Variants in NKAIN2 observed in about 807,000 individuals in gnomAD.
The protein encoded by NKAIN2 is sodium/potassium transporting ATPase interacting 2, also known as sodium/potassium-transporting ATPase subunit beta-1-interacting protein 2.
A neutral mutation model predicts 32.6 loss-of-function variants in NKAIN2; 14 were observed. That is an observed-to-expected ratio of 0.43 (90% CI 0.28 to 0.67). The LOEUF is 0.67. NKAIN2 is among the 30% of genes least tolerant of loss of function. NKAIN2 has a pLI of 0.17. For synonymous variants in NKAIN2, 80 were observed against 87.2 expected, an observed-to-expected ratio of 0.92 and a Z score of 0.46; for missense variants, 198 against 258.3, an observed-to-expected ratio of 0.77 and a Z score of 1.60.
intron 3 of NKAIN2, among the ~76,000 whole-genome samples, chr6:124,504,631 A>T (rs1333377242): frequency 1.3e-5 from 2 of 152,204 alleles, no homozygotes; most frequent in Non-Finnish European, 2.9e-5. Flanking sequence ...ACAATGCCTC[A>T]TCGGATTAGA....
intron 3 of NKAIN2, among the ~76,000 whole-genome samples, chr6:124,630,620 A>T (rs1783526774): frequency 6.6e-6 from 1 of 152,000 alleles, no homozygotes; most frequent in Non-Finnish European, 1.5e-5. Context: ...TATTTAGACT[A>T]AAAAAAAGTG....
intron 3 of NKAIN2, among the ~76,000 whole-genome samples, chr6:124,599,344 T>TC (rs1782220823): frequency 6.6e-6 from 1 of 152,126 alleles, no homozygotes; most frequent in East Asian, 1.9e-4. Context: ...GATCCTCTGT[T>TC]TAAAAAAAAA....
chr6:124,101,633 CTA>C (rs1288448531), intron 1 of NKAIN2, among the ~76,000 whole-genome samples: 3 of 151,870 alleles, frequency 2.0e-5, no homozygotes, highest in African/African-American at 7.3e-5. Context: ...AAGAACCAAC[CTA>C]TGTTTCAGTT....
intron 4 of NKAIN2, among the ~76,000 whole-genome samples, chr6:124,779,318 GGGAAGGAAGGAAGGAAGGAA>G (rs869195660): frequency 0.029 from 1,519 of 52,986 alleles, 36 homozygotes; most frequent in Non-Finnish European, 0.039. Flanking sequence ...GAGGGAGGGA[GGGAAGGAAGGAAGGAAGGAA>G]GGAAGGAAGG....
At chr6:124,267,815 TTACTA>T (rs1794572643) in intron 1 of NKAIN2, among the ~76,000 whole-genome samples, 1 of 152,180 alleles carries the variant, frequency 6.6e-6, no homozygotes, top group Non-Finnish European at 1.5e-5. Flanking sequence ...GGTTGGAGCT[TTACTA>T]TATTTGGCAT....
chr6:124,558,957 C>CAA (rs1298210171), intron 3 of NKAIN2, among the ~76,000 whole-genome samples: 2 of 151,790 alleles, frequency 1.3e-5, no homozygotes, highest in Non-Finnish European at 2.9e-5. Flanking sequence ...CTCAAACAAA[C>CAA]AAACAAACAA....
intron 3 of NKAIN2, among the ~76,000 whole-genome samples, chr6:124,545,204 T>C (rs563451942): frequency 6.6e-4 from 101 of 152,332 alleles, no homozygotes; most frequent in Admixed American, 1.4e-3. Flanking sequence ...GAAAATAGCT[T>C]AATTTTAAGT....
At chr6:124,030,097 G>A (rs1279744636) in intron 1 of NKAIN2, among the ~76,000 whole-genome samples, 1 of 152,012 alleles carries the variant, frequency 6.6e-6, no homozygotes, top group Non-Finnish European at 1.5e-5. Context: ...ACAATCTAAT[G>A]CCTAATGACC....
In NKAIN2 at chr6:124,473,719, T is replaced by G. The variant is rs545039322; in HGVS notation, c.273+118372T>G. 3.9e-5 allele frequency among the ~76,000 whole-genome samples: 6 copies of G among 152,300 alleles called. No individual in the cohort carries two copies. The South Asian group carries it at 1.2e-3, about 32-fold the overall frequency. ...TGGCTCTTCATAAAAAGAGACTCTCTGTAGACTTCGAATCTAAGGCTTTAT... is the reference window on the plus strand; with the variant it reads ...TGGCTCTTCATAAAAAGAGACTCTCGGTAGACTTCGAATCTAAGGCTTTAT... On this transcript the variant is annotated intron_variant, in intron 3 of 6. Coordinates refer to ENST00000368417, the MANE Select transcript of NKAIN2 (RefSeq NM_001040214.3).
intron 2 of NKAIN2, among the ~76,000 whole-genome samples, chr6:124,323,476 A>G (rs1177544683): frequency 6.6e-6 from 1 of 152,210 alleles, no homozygotes; most frequent in African/African-American, 2.4e-5. Context: ...TGCATAAGAT[A>G]TACAGTTTAG....
intron 3 of NKAIN2, among the ~76,000 whole-genome samples, chr6:124,599,846 A>G (rs969054604): frequency 1.3e-5 from 2 of 152,104 alleles, no homozygotes; most frequent in Non-Finnish European, 2.9e-5. Flanking sequence ...TCCCTGGGGT[A>G]TGATGAAATG....
chr6:123,906,309 G>A (rs371968103), intron 1 of NKAIN2, among the ~76,000 whole-genome samples: 4 of 151,194 alleles, frequency 2.6e-5, no homozygotes, highest in Admixed American at 6.6e-5. Context: ...TTTCAGTCAG[G>A]GTCTTACTCT....
intron 1 of NKAIN2, among the ~76,000 whole-genome samples, chr6:123,836,163 A>T (rs576120323): frequency 4.6e-5 from 7 of 152,082 alleles, no homozygotes; most frequent in Non-Finnish European, 1.0e-4. Context: ...TAAAAATATT[A>T]CTATCTTTAG....
intron 1 of NKAIN2, among the ~76,000 whole-genome samples, chr6:124,017,096 A>C (rs986406954): frequency 2.0e-5 from 3 of 152,214 alleles, no homozygotes; most frequent in African/African-American, 7.2e-5. Flanking sequence ...GAGGCCTCAC[A>C]ATCATGGCGG....
chr6:124,430,106 C>T (rs879526645), intron 3 of NKAIN2, among the ~76,000 whole-genome samples: 23 of 151,934 alleles, frequency 1.5e-4, no homozygotes, highest in Non-Finnish European at 2.5e-4. Context: ...TGTAAATTGC[C>T]AAGTGCAATT....
chr6:124,355,184 G>T (rs1272142325), intron 2 of NKAIN2, 83 bp from the exon 3 acceptor site: 3 of 793,630 alleles, frequency 3.8e-6, no homozygotes, highest in African/African-American at 1.7e-5. Flanking sequence ...TTATATTAGG[G>T]TGTGCGAAAG....
intron 3 of NKAIN2, among the ~76,000 whole-genome samples, chr6:124,491,474 T>C (rs1777860287): frequency 1.3e-5 from 2 of 151,878 alleles, no homozygotes; most frequent in African/African-American, 4.8e-5. Context: ...TTGAGGTAGC[T>C]ATGAGAAAGG....
chr6:124,224,688 G>T (rs760616000), intron 1 of NKAIN2, among the ~76,000 whole-genome samples: 9 of 152,020 alleles, frequency 5.9e-5, no homozygotes, highest in Non-Finnish European at 1.0e-4. Flanking sequence ...TCATAAAAAG[G>T]TTTTAAGAAA....
At chr6:124,643,651 AT>A (rs1411717359) in intron 3 of NKAIN2, among the ~76,000 whole-genome samples, 4 of 152,322 alleles carry the variant, frequency 2.6e-5, no homozygotes, top group African/African-American at 9.6e-5. Flanking sequence ...TGGTATAGGA[AT>A]TATTAATATT....
Sources: allele counts gnomAD v4.1 joint callset (sites outside exome capture counted in the v4.1 genomes callset), GRCh38; gene constraint gnomAD v4.1.1; transcripts MANE v1.5; gene names NCBI Gene and HGNC (gene_info 2026-07-23, HGNC 2026-07-21).